Variants in NELL1 observed in about 807,000 individuals in gnomAD.
NELL1 encodes protein kinase C-binding protein NELL1.
In NELL1, 76 loss-of-function variants were observed where a neutral mutation model predicts 107.4. That is an observed-to-expected ratio of 0.71 (90% confidence interval 0.59 to 0.86). The LOEUF is 0.86. NELL1 is among the 40% of genes least tolerant of loss of function. The probability of loss-of-function intolerance (pLI) is 0.00; values close to 1 mark genes in which losing one functional copy is unlikely to be tolerated. For synonymous variants in NELL1, 353 were observed against 341.2 expected (o/e 1.03, Z -0.38); for missense variants, 1,024 against 1,005.5 (o/e 1.02, Z -0.25).
At chr11:21,548,178 T>C (rs7106789) in intron 16 of NELL1, among the ~76,000 whole-genome samples, 102,715 of 151,708 alleles carry the variant, frequency 0.68, 37,549 homozygotes, top group Non-Finnish European at 0.83. Context: ...TAAGTGGCAT[T>C]ATGGGGTAAA....
intron 2 of NELL1, among the ~76,000 whole-genome samples, chr11:20,685,310 C>A (rs2133858728): frequency 6.6e-6 from 1 of 152,052 alleles, no homozygotes; most frequent in African/African-American, 2.4e-5. Context: ...CACTATAAAT[C>A]TAAATTAAAA....
chr11:21,509,134 A>AAAAGG (rs2133942272), intron 15 of NELL1, among the ~76,000 whole-genome samples: 1 of 152,342 alleles, frequency 6.6e-6, no homozygotes, highest in South Asian at 2.1e-4. Context: ...ATGTTTTACT[A>AAAAGG]GTAATCAGGA....
intron 13 of NELL1, among the ~76,000 whole-genome samples, chr11:21,153,122 T>A (rs908158063): frequency 2.6e-5 from 4 of 152,220 alleles, no homozygotes; most frequent in African/African-American, 9.6e-5. Flanking sequence ...AGATGGATTT[T>A]AGTCTAGGCA....
At chr11:21,317,420 A>ATTTTTGCT (rs1849902502) in intron 14 of NELL1, among the ~76,000 whole-genome samples, 1 of 630 alleles carries the variant, frequency 1.6e-3, no homozygotes, top group Non-Finnish European at 3.6e-3. Flanking sequence ...TATTAGTACA[A>ATTTTTGCT]ATTTTGCTAT....
intron 15 of NELL1, among the ~76,000 whole-genome samples, chr11:21,416,520 A>T (rs1290308446): frequency 6.6e-6 from 1 of 152,144 alleles, no homozygotes; most frequent in Non-Finnish European, 1.5e-5. Flanking sequence ...ATCTTTTCCA[A>T]ATTCTATAAA....
chr11:21,529,636 C>T (rs1855947375), intron 15 of NELL1, among the ~76,000 whole-genome samples: 1 of 152,136 alleles, frequency 6.6e-6, no homozygotes, highest in Non-Finnish European at 1.5e-5. Context: ...AACAAGGTTA[C>T]ACTTGTCTCA....
At chr11:20,924,773 A>G (rs1850454680) in intron 7 of NELL1, among the ~76,000 whole-genome samples, 1 of 152,184 alleles carries the variant, frequency 6.6e-6, no homozygotes, top group South Asian at 2.1e-4. Context: ...GTTCAATCCA[A>G]GGTCATATAT....
intron 4 of NELL1, among the ~76,000 whole-genome samples, chr11:20,858,286 C>T (rs1848919113): frequency 6.6e-6 from 1 of 152,142 alleles, no homozygotes; most frequent in African/African-American, 2.4e-5. Flanking sequence ...GCATAGTATA[C>T]AGATAGGTCT....
Position 20,928,416 on chromosome 11 carries a change from C to G in NELL1, c.934C>G (p.Leu312Val), listed in dbSNP as rs1422680443. The change falls in exon 9 of 20, where the codon CTC (leucine) becomes GTC (valine). Residue 312 changes from leucine to valine, a missense_variant. Transcript: ENST00000357134. ...ATGCCGAAGGATGTCCTGTCCCCCT[C>G]TCAATTGCTCCCCAGACTCCCTCCC... The part of the protein sequence containing the change: ...VECRRMSCPP[L>V]NCSPDSLPVH... 2 of 1,613,962 alleles carry G rather than the reference C, an allele frequency of 1.2e-6. No individual in the cohort carries two copies. Among genetic ancestry groups the G allele is most frequent in the African/African-American group, 1.3e-5 (1 of 74,912 alleles).
intron 14 of NELL1, among the ~76,000 whole-genome samples, chr11:21,324,369 T>A (rs4506644): frequency 0.79 from 120,384 of 152,102 alleles, 48,999 homozygotes; most frequent in Non-Finnish European, 0.89. Flanking sequence ...TCAAAAATTA[T>A]TGGATAAAAA....
At chr11:21,413,863 C>G (rs968199108) in intron 15 of NELL1, among the ~76,000 whole-genome samples, 1 of 152,070 alleles carries the variant, frequency 6.6e-6, no homozygotes, top group Non-Finnish European at 1.5e-5. Context: ...CATATTTCAT[C>G]AGCTGTCAGG....
intron 15 of NELL1, among the ~76,000 whole-genome samples, chr11:21,448,091 T>G (rs1853484560): frequency 6.6e-6 from 1 of 152,174 alleles, no homozygotes; most frequent in Admixed American, 6.5e-5. Flanking sequence ...GTGGAGGCAT[T>G]AGCAATTCAA....
chr11:20,734,362 A>G (rs545368972), intron 2 of NELL1, among the ~76,000 whole-genome samples: 1 of 152,324 alleles, frequency 6.6e-6, no homozygotes, highest in East Asian at 1.9e-4. Flanking sequence ...TTTTTGAAAT[A>G]TGACTGGCTG....
At chr11:21,147,493 C>T (rs572525807) in intron 13 of NELL1, among the ~76,000 whole-genome samples, 37 of 152,100 alleles carry the variant, frequency 2.4e-4, no homozygotes, top group Admixed American at 9.2e-4. Flanking sequence ...TGAGCCAGAA[C>T]CCTCTGCTGT....
chr11:21,078,304 A>G (rs778173985), intron 12 of NELL1, among the ~76,000 whole-genome samples: 11 of 152,124 alleles, frequency 7.2e-5, no homozygotes, highest in Non-Finnish European at 1.6e-4. Flanking sequence ...TAAGAGTTCA[A>G]AAAACACATT....
intron 14 of NELL1, among the ~76,000 whole-genome samples, chr11:21,298,009 C>T (rs980883602): frequency 2.6e-5 from 4 of 151,908 alleles, no homozygotes; most frequent in Non-Finnish European, 5.9e-5. Flanking sequence ...TTACTTTTTC[C>T]TCCATCATTT....
intron 13 of NELL1, among the ~76,000 whole-genome samples, chr11:21,229,024 C>G (rs1486645545): frequency 6.6e-6 from 1 of 151,896 alleles, no homozygotes; most frequent in Non-Finnish European, 1.5e-5. Flanking sequence ...GAACCATTAC[C>G]TTGGAATCTC....
chr11:21,341,846 A>C (rs1472793057), intron 14 of NELL1, among the ~76,000 whole-genome samples: 1 of 152,202 alleles, frequency 6.6e-6, no homozygotes, highest in East Asian at 1.9e-4. Flanking sequence ...TTTATATGTA[A>C]TAATACATTT....
At chr11:21,195,463 C>A (rs1483371065) in intron 13 of NELL1, among the ~76,000 whole-genome samples, 1 of 151,038 alleles carries the variant, frequency 6.6e-6, no homozygotes, top group Non-Finnish European at 1.5e-5. Context: ...CCTATTCTTT[C>A]ATTTTCTTCC....
Sources: allele counts gnomAD v4.1 joint callset (sites outside exome capture counted in the v4.1 genomes callset), GRCh38; gene constraint gnomAD v4.1.1; transcripts MANE v1.5; gene names NCBI Gene and HGNC (gene_info 2026-07-23, HGNC 2026-07-21).